The following QPRT variants were observed in gnomAD, a reference collection of about 807,000 sequenced individuals.
The protein encoded by QPRT is quinolinate phosphoribosyltransferase, also known as nicotinate-nucleotide pyrophosphorylase [carboxylating].
A neutral mutation model predicts 19.8 loss-of-function variants in QPRT; 17 were observed. The observed-to-expected ratio is 0.86, with a 90% CI of 0.59 to 1.29. QPRT has a LOEUF of 1.29. Among genes scored for constraint, QPRT ranks in the 50% most tolerant of loss-of-function variants. The pLI, the probability that QPRT is intolerant of heterozygous loss-of-function variation, is 0.00. For missense variants in QPRT, 336 were observed against 405.1 expected (o/e 0.83, Z 1.46); for synonymous variants, 178 against 191.0 (o/e 0.93, Z 0.56).
chr16:29,698,386 C>G lies in QPRT; in HGVS notation c.*975C>G, dbSNP rs188497108. 6.6e-6 allele frequency: 1 copy of G among 152,104 alleles called. No homozygotes were observed. The highest frequency in any genetic ancestry group is 1.5e-5 in the Non-Finnish European group (1 of 68,022). The allele number at this position is 152,104 out of a possible 1,614,324, so 9.4% of individuals were successfully genotyped here. On this transcript the variant is annotated 3_prime_UTR_variant, in exon 4 of 4. Coordinates refer to ENST00000395384, the MANE Select transcript of QPRT (RefSeq NM_014298.6). ...AAGATAAATAGCCAGAAGACCTTGG[C>G]GACACCACCCGGCCCTGGTAGTTAA...
chr16:29,690,768 C>A lies in QPRT; in HGVS notation c.14-3896C>A, dbSNP rs572811145. Among the ~76,000 whole-genome samples, 24 of 152,292 alleles carry A rather than the reference C, an allele frequency of 1.6e-4. No individual in the cohort carries two copies. In the South Asian group the frequency reaches 4.1e-3, roughly 26 times the overall value. On this transcript the variant is annotated intron_variant, in intron 1 of 3. Transcript: ENST00000395384. ...GCAGCGGCATGACCTCAGCTCACTGCAAACTCCGCCTCCCTGGTTCAAGTG... is the reference window on the plus strand; with the variant it reads ...GCAGCGGCATGACCTCAGCTCACTGAAAACTCCGCCTCCCTGGTTCAAGTG...
chr16:29,679,302 C>T (rs1966921179), intron 1 of QPRT, 92 bp downstream of exon 1: 2 of 993,896 alleles, frequency 2.0e-6, no homozygotes, highest in Non-Finnish European at 3.1e-6. Flanking sequence ...CCCTTGTTGC[C>T]TCCTCTGGAG....
At chr16:29,683,657 C>G (rs570982584) in intron 1 of QPRT, among the ~76,000 whole-genome samples, 96 of 152,294 alleles carry the variant, frequency 6.3e-4, no homozygotes, top group African/African-American at 2.2e-3. Flanking sequence ...CCGCCCCTGG[C>G]CGAGCATTGA....
chr16:29,679,221 A>G lies in QPRT; in HGVS notation c.13+11A>G, dbSNP rs777023109. 2 of 1,601,598 alleles carry G rather than the reference A, an allele frequency of 1.2e-6. No homozygotes were observed. Among genetic ancestry groups the G allele is most frequent in the Admixed American group, 3.3e-5 (2 of 59,808 alleles). On this transcript the variant is annotated intron_variant, in intron 1 of 3. Coordinates refer to ENST00000395384, the MANE Select transcript of QPRT (RefSeq NM_014298.6). ...CCATGGACGCTGAAGGTAAAGGGAC[A>G]CTCTCTCTGCCATGTCCCTGCACCC...
Position 29,694,728 on chromosome 16 carries a change from C to A in QPRT, c.78C>A (p.Asp26Glu). The change falls in exon 2 of 4, where the codon GAC becomes GAA. Residue 26 changes from aspartate (D) to glutamate (E), a missense_variant. By Grantham distance (45) the Asp-to-Glu change is conservative. Coordinates refer to ENST00000395384, the MANE Select transcript of QPRT (RefSeq NM_014298.6). ...TGGTGGACAGCTGGCTCCGAGAGGA[C>A]TGCCCAGGGCTCAACTACGCAGCCT... Reference protein sequence around the residue: ...AALVDSWLREDCPGLNYAALV... With the variant: ...AALVDSWLREECPGLNYAALV... 1 of 1,591,518 alleles carries A rather than the reference C, an allele frequency of 6.3e-7. No homozygotes were observed. Among genetic ancestry groups the A allele is most frequent in the Non-Finnish European group, 8.6e-7 (1 of 1,166,716 alleles).
chr16:29,693,815 C>T (rs976839500), intron 1 of QPRT, among the ~76,000 whole-genome samples: 5 of 152,126 alleles, frequency 3.3e-5, no homozygotes, highest in African/African-American at 1.2e-4. Context: ...GTCTCAAACT[C>T]CTGACCTCAG....
chr16:29,694,914 C>T lies in QPRT; in HGVS notation c.264C>T (p.Ala88=), dbSNP rs1414981985. 6 of 1,613,762 alleles carry T rather than the reference C, an allele frequency of 3.7e-6. No homozygotes were observed. Among genetic ancestry groups the T allele is most frequent in the East Asian group, 2.2e-5 (1 of 44,874 alleles). ...AGCTGGTGCCGGTGGCCAGAGTGGCCGAGGTCCGGGGCCCTGCCCACTGCC... is the reference window on the plus strand; with the variant it reads ...AGCTGGTGCCGGTGGCCAGAGTGGCTGAGGTCCGGGGCCCTGCCCACTGCC... ...GSKLVPVARV[A]EVRGPAHCLL... The change falls in exon 2 of 4, where the codon GCC becomes GCT. Residue 88 remains alanine, a synonymous_variant. Coordinates refer to ENST00000395384, the MANE Select transcript of QPRT (RefSeq NM_014298.6).
At chr16:29,695,484 CT>C (rs962384967) in intron 2 of QPRT, among the ~76,000 whole-genome samples, 8,749 of 93,748 alleles carry the variant, frequency 0.093, 78 homozygotes, top group Non-Finnish European at 0.13. Context: ...CTAATTTTTG[CT>C]TTTTTTTTTT....
intron 1 of QPRT, among the ~76,000 whole-genome samples, chr16:29,691,947 G>A (rs893144242): frequency 6.6e-6 from 1 of 152,218 alleles, no homozygotes; most frequent in Non-Finnish European, 1.5e-5. Flanking sequence ...TCTTTGGAGA[G>A]CGGAGCAAGC....
chr16:29,693,935 G>A (rs1352121174), intron 1 of QPRT, among the ~76,000 whole-genome samples: 4 of 151,466 alleles, frequency 2.6e-5, no homozygotes, highest in African/African-American at 9.7e-5. Context: ...CAACTGGTGA[G>A]TATTGGATAA....
At chr16:29,686,428 G>A (rs1029348982) in intron 1 of QPRT, among the ~76,000 whole-genome samples, 1 of 152,298 alleles carries the variant, frequency 6.6e-6, no homozygotes, top group African/African-American at 2.4e-5. Flanking sequence ...CTTGAGAAAC[G>A]CTTCTTTTCT....
chr16:29,691,159 G>C (rs1264745884), intron 1 of QPRT, among the ~76,000 whole-genome samples: 1 of 151,766 alleles, frequency 6.6e-6, no homozygotes, highest in Non-Finnish European at 1.5e-5. Flanking sequence ...GAGGTCAGGA[G>C]TTTGAGAGCA....
chr16:29,689,173 C>G (rs1016417937), intron 1 of QPRT, among the ~76,000 whole-genome samples: 1 of 151,674 alleles, frequency 6.6e-6, no homozygotes, highest in African/African-American at 2.4e-5. Flanking sequence ...CAGCTCATTG[C>G]AACCTCTGCC....
rs1026615732 is a variant in QPRT at position 29,698,127 on chromosome 16, C to A, written c.*716C>A. ...CATCCTTCATGCACCCAACCTGTAC[C>A]AAACACCAGCATGGCCTGGCTGTGA... On this transcript the variant is annotated 3_prime_UTR_variant, in exon 4 of 4. Coordinates refer to ENST00000395384, the MANE Select transcript of QPRT (RefSeq NM_014298.6). 6.6e-6 allele frequency: 1 copy of A among 152,286 alleles called. No homozygotes were observed. The highest frequency in any genetic ancestry group is 2.4e-5 in the African/African-American group (1 of 41,432). The allele number at this position is 152,286 out of a possible 1,614,324, so 9.4% of individuals were successfully genotyped here.
chr16:29,686,337 C>T, intron 1 of QPRT, among the ~76,000 whole-genome samples: 1 of 152,116 alleles, frequency 6.6e-6, no homozygotes, highest in East Asian at 1.9e-4. Context: ...AAATGTCAGC[C>T]CCACCCCACA....
intron 1 of QPRT, among the ~76,000 whole-genome samples, chr16:29,680,074 C>CA (rs1966950973): frequency 6.6e-6 from 1 of 151,600 alleles, no homozygotes; most frequent in South Asian, 2.1e-4. Context: ...TCTCCTGCCT[C>CA]AGCCTCCCGA....
At chr16:29,683,343 T>A (rs1282321843) in intron 1 of QPRT, among the ~76,000 whole-genome samples, 1 of 151,730 alleles carries the variant, frequency 6.6e-6, no homozygotes, top group East Asian at 1.9e-4. Context: ...TGTGGTCTTA[T>A]GAGAGCATTG....
At chr16:29,689,526 C>A (rs1230768820) in intron 1 of QPRT, among the ~76,000 whole-genome samples, 1 of 152,018 alleles carries the variant, frequency 6.6e-6, no homozygotes, top group Non-Finnish European at 1.5e-5. Flanking sequence ...TTTTCCTGAT[C>A]CTCTTGAGGG....
chr16:29,680,051 G>C (rs531281868), intron 1 of QPRT, among the ~76,000 whole-genome samples: 2 of 149,306 alleles, frequency 1.3e-5, no homozygotes, highest in South Asian at 4.2e-4. Context: ...TCCGCCTCCC[G>C]GGTTCATGCC....
Sources: allele counts gnomAD v4.1 joint callset (sites outside exome capture counted in the v4.1 genomes callset), GRCh38; gene constraint gnomAD v4.1.1; transcripts MANE v1.5; gene names NCBI Gene and HGNC (gene_info 2026-07-23, HGNC 2026-07-21).